THSD7A: variants seen among roughly 807,000 people sequenced by gnomAD.
The protein encoded by THSD7A is thrombospondin type 1 domain containing 7A, also known as thrombospondin type-1 domain-containing protein 7A.
Under a neutral mutation model 231.3 loss-of-function variants are expected in THSD7A, and 96 were observed. The ratio of observed to expected loss-of-function variants is 0.41; its 90% CI spans 0.35 to 0.49. THSD7A has a LOEUF of 0.49. THSD7A is among the 20% of genes least tolerant of loss of function. The pLI, the probability that THSD7A is intolerant of heterozygous loss-of-function variation, is 0.05. For synonymous variants in THSD7A, 940 were observed against 743.3 expected (o/e 1.26, Z -4.30); for missense variants, 2,290 against 2,070.2 (o/e 1.11, Z -2.06).
chr7:11,596,387 C>T (rs1584051343), intron 2 of THSD7A, among the ~76,000 whole-genome samples: 1 of 152,106 alleles, frequency 6.6e-6, no homozygotes, highest in Non-Finnish European at 1.5e-5. Flanking sequence ...GGAGTTTTAG[C>T]TCAGGTCCAA....
At chr7:11,825,009 G>T (rs1057201246) in intron 1 of THSD7A, among the ~76,000 whole-genome samples, 1 of 151,864 alleles carries the variant, frequency 6.6e-6, no homozygotes, top group African/African-American at 2.4e-5. Context: ...CTACACATAA[G>T]TGCCAAACTA....
rs1342837214 is a variant in THSD7A, at chr7:11,710,180, A to G, written c.191-73219T>C. On this transcript the variant is annotated intron_variant, in intron 1 of 27. Coordinates refer to ENST00000423059, the MANE Select transcript of THSD7A (RefSeq NM_015204.3). The stretch of plus-strand genomic sequence containing the variant: ...TGAAGCCTAAGAATCTGCATTTTTA[A>G]CAAGTTCTTAAATGGTACTGGTGCT... 2.0e-5 allele frequency among the ~76,000 whole-genome samples: 3 copies of G among 150,846 alleles called. No homozygotes were observed. The East Asian group carries it at 5.9e-4, about 30-fold the overall frequency.
chr7:11,629,977 A>G (rs1033785491), intron 2 of THSD7A, among the ~76,000 whole-genome samples: 7 of 152,216 alleles, frequency 4.6e-5, no homozygotes, highest in Non-Finnish European at 8.8e-5. Context: ...GGTCCCAGAA[A>G]GTGTAAATGA....
chr7:11,752,195 C>T (rs2128165201), intron 1 of THSD7A, among the ~76,000 whole-genome samples: 1 of 152,184 alleles, frequency 6.6e-6, no homozygotes, highest in Middle Eastern at 3.4e-3. Context: ...TCTCAGGAGG[C>T]TGTTTTCAAG....
chr7:11,409,814 C>G (rs1228695558), intron 19 of THSD7A, among the ~76,000 whole-genome samples: 1 of 151,980 alleles, frequency 6.6e-6, no homozygotes, highest in African/African-American at 2.4e-5. Flanking sequence ...GTGATCTTGA[C>G]TCATGGCATC....
At chr7:11,595,944 T>C (rs1264679032) in intron 2 of THSD7A, among the ~76,000 whole-genome samples, 1 of 152,202 alleles carries the variant, frequency 6.6e-6, no homozygotes, top group African/African-American at 2.4e-5. Flanking sequence ...TAATTAATCA[T>C]AGTGTTCCTA....
intron 13 of THSD7A, among the ~76,000 whole-genome samples, chr7:11,431,506 T>C (rs966645578): frequency 2.0e-5 from 3 of 152,196 alleles, no homozygotes; most frequent in African/African-American, 4.8e-5. Context: ...TTGACCACAG[T>C]GTAACGATTT....
intron 1 of THSD7A, among the ~76,000 whole-genome samples, chr7:11,669,853 G>A (rs1461466026): frequency 6.6e-6 from 1 of 151,946 alleles, no homozygotes; most frequent in Non-Finnish European, 1.5e-5. Flanking sequence ...ACAAACTCTT[G>A]AGATGGAGTT....
At chr7:11,699,279 A>G (rs775507974) in intron 1 of THSD7A, among the ~76,000 whole-genome samples, 15 of 151,348 alleles carry the variant, frequency 9.9e-5, no homozygotes, top group Non-Finnish European at 2.1e-4. Context: ...AAGTATATAA[A>G]TGTATTTTAA....
chr7:11,645,263 G>A (rs1782236151), intron 1 of THSD7A, among the ~76,000 whole-genome samples: 2 of 151,470 alleles, frequency 1.3e-5, no homozygotes, highest in African/African-American at 4.8e-5. Context: ...GCATTCTCAT[G>A]GATGTTTTTT....
chr7:11,603,723 T>G (rs1234508297), intron 2 of THSD7A, among the ~76,000 whole-genome samples: 1 of 151,460 alleles, frequency 6.6e-6, no homozygotes, highest in Non-Finnish European at 1.5e-5. Context: ...TTCATGTCCT[T>G]TGTAGGGACA....
At chr7:11,549,893 C>T (rs13228651) in intron 4 of THSD7A, among the ~76,000 whole-genome samples, 21,862 of 152,024 alleles carry the variant, frequency 0.14, 1,720 homozygotes, top group Admixed American at 0.18. Context: ...AATGAACCTG[C>T]ACATCCTACA....
chr7:11,516,279 T>G, intron 6 of THSD7A, among the ~76,000 whole-genome samples: 1 of 152,086 alleles, frequency 6.6e-6, no homozygotes, highest in Admixed American at 6.6e-5. Context: ...AATCAGAAAT[T>G]TTAAACTAAT....
At chr7:11,437,465 T>A (rs1784669217) in intron 13 of THSD7A, among the ~76,000 whole-genome samples, 1 of 152,074 alleles carries the variant, frequency 6.6e-6, no homozygotes, top group Non-Finnish European at 1.5e-5. Flanking sequence ...TCAGGAAAAG[T>A]CTGTCCCTCA....
chr7:11,651,306 T>C (rs1008293468), intron 1 of THSD7A, among the ~76,000 whole-genome samples: 5 of 151,968 alleles, frequency 3.3e-5, no homozygotes, highest in Non-Finnish European at 5.9e-5. Context: ...AAAGTATTGG[T>C]TGATGAGTGC....
chr7:11,733,718 A>G (rs1214649863), intron 1 of THSD7A, among the ~76,000 whole-genome samples: 1 of 151,942 alleles, frequency 6.6e-6, no homozygotes, highest in Non-Finnish European at 1.5e-5. Flanking sequence ...GAATAAGAAC[A>G]ATTAAGAATA....
Position 11,393,709 on chromosome 7 carries a change from C to T in THSD7A, c.4411+8086G>A, listed in dbSNP as rs1301443019. Among the ~76,000 whole-genome samples the T allele has an allele frequency of 2.0e-5, 3 of 152,148 alleles. No homozygotes were observed. The East Asian group carries it at 5.8e-4, about 29-fold the overall frequency. ...GCTGAAAAACACAGCTCAAAAATTT[C>T]GTGAAGCATACACAAGTATCAATAG... is the stretch of plus-strand genomic sequence containing the variant. On this transcript the variant is annotated intron_variant, in intron 23 of 27. Transcript: ENST00000423059.
rs1360465250 is a variant in THSD7A at position 11,671,426 on chromosome 7, A to ATT, written c.191-34466_191-34465insAA. 2.6e-5 allele frequency among the ~76,000 whole-genome samples: 4 copies of ATT among 152,206 alleles called. 1 individual carries two copies. The highest frequency in any genetic ancestry group is 5.9e-5 in the Non-Finnish European group (4 of 68,034). ...GTAGGCATAGCAGTTAAATGATTTTATAGGCATGTGTATTTTGAAATATGT... is the reference window on the plus strand; with the variant it reads ...GTAGGCATAGCAGTTAAATGATTTTATTTAGGCATGTGTATTTTGAAATATGT... On this transcript the variant is annotated intron_variant, in intron 1 of 27. Coordinates refer to ENST00000423059, the MANE Select transcript of THSD7A (RefSeq NM_015204.3).
At chr7:11,770,107 A>G (rs1783174632) in intron 1 of THSD7A, among the ~76,000 whole-genome samples, 1 of 152,066 alleles carries the variant, frequency 6.6e-6, no homozygotes, top group Admixed American at 6.6e-5. Context: ...CCAGAGCATA[A>G]AAACTTGAAA....
Sources: allele counts gnomAD v4.1 joint callset (sites outside exome capture counted in the v4.1 genomes callset), GRCh38; gene constraint gnomAD v4.1.1; transcripts MANE v1.5; gene names NCBI Gene and HGNC (gene_info 2026-07-23, HGNC 2026-07-21).